RASAL1: variants seen among roughly 807,000 people sequenced by gnomAD.
The protein encoded by RASAL1 is RAS protein activator like 1, also known as rasGAP-activating-like protein 1.
Under a neutral mutation model 96.6 loss-of-function variants are expected in RASAL1, and 72 were observed. The observed-to-expected ratio is 0.75, with a 90% CI of 0.62 to 0.91. RASAL1 has a LOEUF of 0.91. RASAL1 is among the 40% of genes least tolerant of loss of function. RASAL1 has a pLI of 0.00. For missense variants in RASAL1, 1,016 were observed against 1,072.5 expected (o/e 0.95, Z 0.74); for synonymous variants, 405 against 430.4 (o/e 0.94, Z 0.73).
intron 5 of RASAL1, among the ~76,000 whole-genome samples, chr12:113,120,043 G>C (rs1951233058): frequency 6.6e-6 from 1 of 152,124 alleles, no homozygotes; most frequent in African/African-American, 2.4e-5. Context: ...AAAGCATGAG[G>C]CAGGGACTCC....
intron 1 of RASAL1, 127 bp from the exon 2 acceptor site, chr12:113,131,068 C>T (rs1592965640): frequency 1.5e-6 from 1 of 656,624 alleles, no homozygotes; most frequent in Non-Finnish European, 2.7e-6. Context: ...CAGGGTCACA[C>T]AGCAAGTCCA....
intron 13 of RASAL1, among the ~76,000 whole-genome samples, chr12:113,110,215 G>C (rs947600593): frequency 6.6e-6 from 1 of 152,188 alleles, no homozygotes; most frequent in Non-Finnish European, 1.5e-5. Context: ...GGGGAGGAGG[G>C]GGAGGAGGGG....
At chr12:113,127,998 C>T in intron 3 of RASAL1, 67 bp downstream of exon 3, 4 of 1,560,050 alleles carry the variant, frequency 2.6e-6, no homozygotes, top group South Asian at 1.1e-5. Flanking sequence ...GACCCACATC[C>T]CCTCTCCCCT....
chr12:113,118,279 T>C (rs1329232651), intron 7 of RASAL1, among the ~76,000 whole-genome samples: 1 of 152,170 alleles, frequency 6.6e-6, no homozygotes. Context: ...ATACAGTATG[T>C]CATTTTGCTT....
chr12:113,124,762 C>T (rs1592948072), intron 4 of RASAL1, among the ~76,000 whole-genome samples: 1 of 152,040 alleles, frequency 6.6e-6, no homozygotes, highest in African/African-American at 2.4e-5. Flanking sequence ...TATAGTAGGC[C>T]CTCATGAAAT....
intron 4 of RASAL1, among the ~76,000 whole-genome samples, chr12:113,126,704 A>T (rs1346837528): frequency 6.6e-6 from 1 of 151,524 alleles, no homozygotes; most frequent in Non-Finnish European, 1.5e-5. Context: ...ACACACACAC[A>T]CACACACACA....
rs1950884410 is a variant in RASAL1 at position 113,112,111 on chromosome 12, T to G, written c.1349A>C (p.Glu450Ala). The change falls in exon 13 of 21, where the codon GAG becomes GCG. Residue 450 changes from glutamate to alanine, a missense_variant. Physicochemically the swap from Glu to Ala is moderately radical, Grantham distance 107 (BLOSUM62 -1). Transcript: ENST00000548055. The part of the protein sequence containing the change: ...AFKQLHRRVE[E>A]RFPQAEHQDV... Reference sequence around the variant, plus strand: ...CTGGTGCTCGGCCTGGGGGAAGCGCTCCTCCACTCGCCGGTGCAGCTGCTT... The same window carrying G: ...CTGGTGCTCGGCCTGGGGGAAGCGCGCCTCCACTCGCCGGTGCAGCTGCTT... 2 of 1,245,584 alleles carry G rather than the reference T, an allele frequency of 1.6e-6. No homozygotes were observed. The highest frequency in any genetic ancestry group is 2.0e-6 in the Non-Finnish European group (2 of 990,242). The allele number at this position is 1,245,584 out of a possible 1,614,324, so 77.2% of individuals were successfully genotyped here. A position where few individuals can be genotyped will look rare whatever the true frequency, so the allele number is the denominator to read the frequency against.
chr12:113,111,071 A>C (rs73207017), intron 13 of RASAL1, among the ~76,000 whole-genome samples: 2 of 151,508 alleles, frequency 1.3e-5, no homozygotes, highest in South Asian at 2.1e-4. Context: ...CACAGTCTTC[A>C]TGTCTCCCTA....
intron 20 of RASAL1, among the ~76,000 whole-genome samples, chr12:113,100,343 G>T (rs186551966): frequency 6.6e-6 from 1 of 152,274 alleles, no homozygotes; most frequent in Non-Finnish European, 1.5e-5. Context: ...GTGTTGCCCA[G>T]GGTGCAGTGC....
intron 14 of RASAL1, 34 bp downstream of exon 14, chr12:113,108,040 TCCCTGGCTAAA>T: frequency 6.4e-7 from 1 of 1,568,998 alleles, no homozygotes; most frequent in Non-Finnish European, 8.6e-7. Flanking sequence ...CATGCTTTTT[TCCCTGGCTAAA>T]GTACCTAGGA....
intron 13 of RASAL1, among the ~76,000 whole-genome samples, chr12:113,109,516 G>A (rs1169261068): frequency 1.3e-5 from 2 of 152,156 alleles, no homozygotes; most frequent in African/African-American, 2.4e-5. Flanking sequence ...CACCAGCAGA[G>A]GTGACTCAGG....
At chr12:113,131,968 C>CTTTT (rs34936583) in intron 1 of RASAL1, among the ~76,000 whole-genome samples, 76 of 118,706 alleles carry the variant, frequency 6.4e-4, no homozygotes, top group Non-Finnish European at 8.7e-4. Flanking sequence ...TCTTCTTCTT[C>CTTTT]TTTTTTTTTT....
intron 18 of RASAL1, among the ~76,000 whole-genome samples, chr12:113,102,477 G>A (rs866330173): frequency 6.6e-6 from 1 of 152,218 alleles, no homozygotes; most frequent in Admixed American, 6.5e-5. Context: ...AGAATCTCTT[G>A]AACCTGGGAG....
chr12:113,102,093 CCTT>C (rs1950470704), intron 18 of RASAL1, 84 bp from the exon 19 acceptor site: 1 of 1,513,914 alleles, frequency 6.6e-7, no homozygotes, highest in South Asian at 1.3e-5. Flanking sequence ...AAGCCGTGCT[CCTT>C]CTTCCTGTAA....
chr12:113,124,424 C>T lies in RASAL1; in HGVS notation c.299-2786G>A, dbSNP rs531347873. Among the ~76,000 whole-genome samples the T allele has an allele frequency of 4.6e-5, 7 of 152,246 alleles. No individual in the cohort carries two copies. The South Asian group carries it at 1.0e-3, about 23-fold the overall frequency. ...CCACATGCTTGCAGACACATGGACACGTTCCTTCTTTTCTTGCTGCCTGTT... is the reference window on the plus strand; with the variant it reads ...CCACATGCTTGCAGACACATGGACATGTTCCTTCTTTTCTTGCTGCCTGTT... On this transcript the variant is annotated intron_variant, in intron 4 of 20. Coordinates refer to ENST00000548055, the MANE Select transcript of RASAL1 (RefSeq NM_001301202.2).
intron 1 of RASAL1, among the ~76,000 whole-genome samples, chr12:113,132,064 C>G (rs1951735523): frequency 6.6e-6 from 1 of 151,106 alleles, no homozygotes; most frequent in Admixed American, 6.6e-5. Flanking sequence ...CTCTGCCTCC[C>G]AAGTTCAAGC....
At chr12:113,106,809 G>A (rs1950662028) in intron 15 of RASAL1, among the ~76,000 whole-genome samples, 1 of 152,172 alleles carries the variant, frequency 6.6e-6, no homozygotes, top group Non-Finnish European at 1.5e-5. Flanking sequence ...CTAGAACTGT[G>A]CCTGTTATTT....
intron 19 of RASAL1, 93 bp downstream of exon 19, chr12:113,101,796 G>T: frequency 6.8e-7 from 1 of 1,468,828 alleles, no homozygotes; most frequent in East Asian, 2.5e-5. Flanking sequence ...CAACACACAT[G>T]GGAAGAATGA....
At position 113,129,716 on chromosome 12, in the gene RASAL1, G is replaced by A. The variant is rs1410559104; in HGVS notation, c.122+1169C>T. Among the ~76,000 whole-genome samples the A allele has an allele frequency of 6.6e-6, 1 of 151,862 alleles. No homozygotes were observed. Among genetic ancestry groups the A allele is most frequent in the African/African-American group, 2.4e-5 (1 of 41,294 alleles). On this transcript the variant is annotated intron_variant, in intron 2 of 20. Coordinates refer to ENST00000548055, the MANE Select transcript of RASAL1 (RefSeq NM_001301202.2). This position sits in a 1 kb window ranked among gnomAD's most constrained non-coding sequence, Gnocchi z 5.0. Reference sequence around the variant, plus strand: ...TAAGAAAGAGTGCACATATGCGCGCGTGCGCGCACACACACACACACACCC... The same window carrying A: ...TAAGAAAGAGTGCACATATGCGCGCATGCGCGCACACACACACACACACCC...
Sources: gnomAD v4.1 joint callset for allele counts (sites outside exome capture counted in the v4.1 genomes callset) on GRCh38, gnomAD v4.1.1 for gene constraint, Gnocchi (gnomAD v3.1) non-coding constraint, MANE v1.5 for transcripts, NCBI Gene and HGNC (gene_info 2026-07-23, HGNC 2026-07-21) for gene names.